The following UFC1 variants were observed in gnomAD, a reference collection of about 807,000 sequenced individuals.
UFC1 encodes the protein ubiquitin-fold modifier-conjugating enzyme 1.
A neutral mutation model predicts 28.0 loss-of-function variants in UFC1; 22 were observed. The observed-to-expected ratio is 0.78, with a 90% CI of 0.56 to 1.12. The LOEUF (loss-of-function observed/expected upper bound fraction) is 1.12. Among genes scored for constraint, UFC1 ranks in the 50% most tolerant of loss-of-function variants. UFC1 has a pLI of 0.00. For synonymous variants in UFC1, 61 were observed against 74.5 expected (o/e 0.82, Z 0.93); for missense variants, 189 against 207.8 (o/e 0.91, Z 0.56).
At chr1:161,155,749 T>G (rs973001515) in intron 1 of UFC1, among the ~76,000 whole-genome samples, 8 of 152,216 alleles carry the variant, frequency 5.3e-5, no homozygotes, top group African/African-American at 1.4e-4. Context: ...CAAAGATGAT[T>G]CCCAGGTTTT....
At position 161,158,556 on chromosome 1, in the gene UFC1, C is replaced by T; in HGVS notation, c.*64C>T. ...TAGGCTACGATACTATTTTCCTGTGCATCACACTTAACTCATCTAACTGCT... is the reference window on the plus strand; with the variant it reads ...TAGGCTACGATACTATTTTCCTGTGTATCACACTTAACTCATCTAACTGCT... On this transcript the variant is annotated 3_prime_UTR_variant, in exon 6 of 6. Coordinates refer to ENST00000368003, the MANE Select transcript of UFC1 (RefSeq NM_016406.4). 1.3e-6 allele frequency: 2 copies of T among 1,563,898 alleles called. No individual in the cohort carries two copies.
At chr1:161,154,946 C>CCT (rs1268873607) in intron 1 of UFC1, among the ~76,000 whole-genome samples, 2 of 152,042 alleles carry the variant, frequency 1.3e-5, no homozygotes, top group African/African-American at 4.8e-5. Context: ...GTAGTTTCTG[C>CCT]CTGCTTCAAA....
rs1657639817 is a variant in UFC1, at chr1:161,158,781, G to A, written c.*289G>A. On this transcript the variant is annotated 3_prime_UTR_variant, in exon 6 of 6. Transcript: ENST00000368003. ...CAACATGCGATTCTGGAGGCACGGG[G>A]GTAACTGAAAGTGAGTACATATAGT... The A allele has an allele frequency of 7.0e-6, 3 of 428,864 alleles. No homozygotes were observed. Among genetic ancestry groups the A allele is most frequent in the East Asian group, 4.6e-5 (1 of 21,922 alleles). 26.6% of individuals were successfully genotyped at this position (428,864 alleles called of 1,614,324 possible). A position where few individuals can be genotyped will look rare whatever the true frequency, so the allele number is the denominator to read the frequency against.
chr1:161,155,209 A>G (rs1449305791), intron 1 of UFC1, among the ~76,000 whole-genome samples: 5 of 152,208 alleles, frequency 3.3e-5, no homozygotes, highest in Non-Finnish European at 7.3e-5. Flanking sequence ...TCGGTCACGG[A>G]AGGTTTCCTG....
chr1:161,157,106 T>C (rs1271142501), intron 2 of UFC1, 89 bp downstream of exon 2: 49 of 1,502,884 alleles, frequency 3.3e-5, no homozygotes, highest in Non-Finnish European at 4.3e-5. Context: ...AAAGCTGCCC[T>C]GTCACATGTT....
At chr1:161,158,300 C>T in intron 5 of UFC1, 89 bp downstream of exon 5, 1 of 1,566,236 alleles carries the variant, frequency 6.4e-7, no homozygotes, top group Admixed American at 1.7e-5. Context: ...AAAGGAATAA[C>T]AGTGATGTCC....
chr1:161,156,145 C>T (rs1016670183), intron 1 of UFC1, among the ~76,000 whole-genome samples: 2 of 152,080 alleles, frequency 1.3e-5, no homozygotes, highest in African/African-American at 2.4e-5. Context: ...TTGAGTGGAG[C>T]CCATTCTATT....
intron 1 of UFC1, among the ~76,000 whole-genome samples, chr1:161,154,708 C>T (rs1007453510): frequency 6.6e-6 from 1 of 152,140 alleles, no homozygotes; most frequent in Admixed American, 6.5e-5. Context: ...TGGTCTCGAT[C>T]CCCTGACCTC....
At chr1:161,155,032 G>A (rs1248641219) in intron 1 of UFC1, among the ~76,000 whole-genome samples, 6 of 152,104 alleles carry the variant, frequency 3.9e-5, no homozygotes, top group Admixed American at 2.0e-4. Flanking sequence ...ATAGAACCTA[G>A]GGAGGAGATA....
chr1:161,154,028 T>G lies in UFC1; in HGVS notation c.31T>G (p.Ser11Ala), dbSNP rs773028158. Residue 11 changes from serine (S) to alanine (A), a missense_variant, in exon 1 of 6, where the codon TCT becomes GCT. Ser to Ala is a moderately conservative substitution (Grantham distance 99, BLOSUM62 1). Transcript: ENST00000368003. ...GGATGAAGCCACGCGACGTGTTGTGTCTGAGATCCCGGTGCTGAAGACTAA... is the reference window on the plus strand; with the variant it reads ...GGATGAAGCCACGCGACGTGTTGTGGCTGAGATCCCGGTGCTGAAGACTAA... MADEATRRVV[S>A]EIPVLKTNAG... The G allele has an allele frequency of 6.2e-7, 1 of 1,614,122 alleles. No individual in the cohort carries two copies. Among genetic ancestry groups the G allele is most frequent in the South Asian group, 1.1e-5 (1 of 91,078 alleles).
At chr1:161,155,927 A>C (rs1294934122) in intron 1 of UFC1, among the ~76,000 whole-genome samples, 1 of 152,234 alleles carries the variant, frequency 6.6e-6, no homozygotes, top group Admixed American at 6.5e-5. Context: ...TAAAGGCTGA[A>C]GTTCTGAGGA....
Position 161,158,268 on chromosome 1 carries a change from A to G in UFC1, c.423+57A>G. 1.9e-6 allele frequency: 3 copies of G among 1,590,440 alleles called. No individual in the cohort carries two copies. In the South Asian group the frequency reaches 3.3e-5, roughly 18 times the overall value. ...AAGAGGGACTTAGGCCCTGAGCAGT[A>G]CAAGAAAAGCAGCTAAGAATAAAAG... On this transcript the variant is annotated intron_variant, in intron 5 of 5. Transcript: ENST00000368003.
At position 161,158,183 on chromosome 1, in the gene UFC1, T is replaced by A; in HGVS notation, c.395T>A (p.Phe132Tyr). 1 of 1,614,222 alleles carries A rather than the reference T, an allele frequency of 6.2e-7. No homozygotes were observed. Among genetic ancestry groups the A allele is most frequent in the Non-Finnish European group, 8.5e-7 (1 of 1,180,038 alleles). ...KPLWARNVPK[F>Y]GLAHLMALGL... The stretch of plus-strand genomic sequence containing the variant: ...TTGTGGGCCAGGAATGTGCCCAAAT[T>A]TGGACTAGCTCATCTCATGGCTCTG... Residue 132 changes from phenylalanine to tyrosine, a missense_variant, in exon 5 of 6, where the codon TTT becomes TAT. By Grantham distance (22) the Phe-to-Tyr change is conservative (BLOSUM62 3). Coordinates refer to ENST00000368003, the MANE Select transcript of UFC1 (RefSeq NM_016406.4).
At position 161,154,016 on chromosome 1, in the gene UFC1, C is replaced by A. The variant is rs768838282; in HGVS notation, c.19C>A (p.Arg7=). Residue 7 remains arginine, a synonymous_variant, in exon 1 of 6, where the codon CGA becomes AGA. Transcript: ENST00000368003. ...GTCCAAGATGGCGGATGAAGCCACG[C>A]GACGTGTTGTGTCTGAGATCCCGGT... MADEAT[R]RVVSEIPVLK... The A allele has an allele frequency of 6.2e-7, 1 of 1,614,054 alleles. No individual in the cohort carries two copies. Among genetic ancestry groups the A allele is most frequent in the South Asian group, 1.1e-5 (1 of 91,070 alleles).
intron 1 of UFC1, among the ~76,000 whole-genome samples, chr1:161,155,516 C>A (rs1228868756): frequency 1.3e-5 from 2 of 152,036 alleles, no homozygotes; most frequent in Non-Finnish European, 1.5e-5. Flanking sequence ...AATTACATGG[C>A]CGATTTGGGT....
chr1:161,155,672 A>T (rs577788473), intron 1 of UFC1, among the ~76,000 whole-genome samples: 19 of 152,320 alleles, frequency 1.2e-4, no homozygotes, highest in South Asian at 4.1e-4. Context: ...GGAGAGGTAG[A>T]TTTGTAGAAT....
rs1229416974 is a variant in UFC1, at chr1:161,156,916, C to T, written c.124-34C>T. 1.9e-6 allele frequency: 3 copies of T among 1,599,330 alleles called. No individual in the cohort carries two copies. The African/African-American group carries it at 4.0e-5, about 21-fold the overall frequency. On this transcript the variant is annotated intron_variant, in intron 1 of 5. Coordinates refer to ENST00000368003, the MANE Select transcript of UFC1 (RefSeq NM_016406.4). ...AGAGGGGGACTGCCCTTGGCCCCAACTACTCTCTCAAAGACCTCATTCTCT... is the reference window on the plus strand; with the variant it reads ...AGAGGGGGACTGCCCTTGGCCCCAATTACTCTCTCAAAGACCTCATTCTCT...
At chr1:161,156,670 C>T (rs1353560402) in intron 1 of UFC1, among the ~76,000 whole-genome samples, 2 of 151,640 alleles carry the variant, frequency 1.3e-5, no homozygotes, top group African/African-American at 4.8e-5. Context: ...GGCAAAACCC[C>T]GTCTCTACTA....
chr1:161,158,768 C>T lies in UFC1; in HGVS notation c.*276C>T, dbSNP rs1657638958. On this transcript the variant is annotated 3_prime_UTR_variant, in exon 6 of 6. Coordinates refer to ENST00000368003, the MANE Select transcript of UFC1 (RefSeq NM_016406.4). ...CCCCCAGGTGGAGCAACATGCGATT[C>T]TGGAGGCACGGGGGTAACTGAAAGT... is the stretch of plus-strand genomic sequence containing the variant. 1 of 457,674 alleles carries T rather than the reference C, an allele frequency of 2.2e-6. No homozygotes were observed. The highest frequency in any genetic ancestry group is 4.0e-6 in the Non-Finnish European group (1 of 248,124). 28.4% of individuals were successfully genotyped at this position (457,674 alleles called of 1,614,324 possible). A position where few individuals can be genotyped will look rare whatever the true frequency, so the allele number is the denominator to read the frequency against.
Sources: gnomAD v4.1 joint callset for allele counts (sites outside exome capture counted in the v4.1 genomes callset) on GRCh38, gnomAD v4.1.1 for gene constraint, MANE v1.5 for transcripts, NCBI Gene and HGNC (gene_info 2026-07-23, HGNC 2026-07-21) for gene names.